C2CD5: variants seen among roughly 807,000 people sequenced by gnomAD.
C2CD5 encodes C2 calcium dependent domain containing 5.
A neutral mutation model predicts 130.3 loss-of-function variants in C2CD5; 109 were observed. That is an observed-to-expected ratio of 0.84 (90% CI 0.72 to 0.98). C2CD5 has a LOEUF of 0.98. C2CD5 is among the 50% of genes least tolerant of loss of function. The pLI is 0.00. For synonymous variants in C2CD5, 454 were observed against 429.2 expected (o/e 1.06, Z -0.71); for missense variants, 996 against 1,261.8 (o/e 0.79, Z 3.19).
Position 22,518,122 on chromosome 12 carries a change from T to G in C2CD5, c.816A>C (p.Glu272Asp). Residue 272 changes from glutamate to aspartate, a missense_variant, in exon 8 of 27, where the codon GAA (glutamate) becomes GAC (aspartate). Glu to Asp is a conservative substitution (Grantham distance 45, BLOSUM62 2). Coordinates refer to ENST00000446597, the MANE Select transcript of C2CD5 (RefSeq NM_001286176.2). ...SKEMKEIPFN[E>D]DPNPNTHSSG... Reference sequence around the variant, plus strand: ...ATGAGTGAGTATTGGGATTGGGATCTTCATTGAAGGGAATCCTGCCAGAAG... The same window carrying G: ...ATGAGTGAGTATTGGGATTGGGATCGTCATTGAAGGGAATCCTGCCAGAAG... The G allele has an allele frequency of 1.2e-6, 2 of 1,613,852 alleles. No individual in the cohort carries two copies. Among genetic ancestry groups the G allele is most frequent in the South Asian group, 2.2e-5 (2 of 91,066 alleles).
intron 10 of C2CD5, chr12:22,502,905 C>T (rs534860581): frequency 3.7e-5 from 24 of 653,348 alleles, no homozygotes; most frequent in African/African-American, 7.2e-5. Flanking sequence ...CAACACCACT[C>T]GACAGGAACT....
chr12:22,521,462 G>T (rs770713732), intron 7 of C2CD5, among the ~76,000 whole-genome samples: 5 of 152,126 alleles, frequency 3.3e-5, no homozygotes. Flanking sequence ...GAACCAACAG[G>T]TAATATAGCT....
chr12:22,459,951 G>C (rs1314524104), intron 22 of C2CD5, among the ~76,000 whole-genome samples: 1 of 152,198 alleles, frequency 6.6e-6, no homozygotes, highest in Non-Finnish European at 1.5e-5. Flanking sequence ...GAGTCTATAA[G>C]ATTACAAATT....
At chr12:22,459,632 G>A (rs928351144) in intron 22 of C2CD5, 90 bp from the exon 23 acceptor site, 3 of 729,518 alleles carry the variant, frequency 4.1e-6, no homozygotes, top group Non-Finnish European at 6.8e-6. Flanking sequence ...CTATAAGCCA[G>A]AAGAATAGGA....
chr12:22,525,808 T>C (rs945140351), intron 4 of C2CD5, 103 bp from the exon 5 acceptor site: 2 of 700,652 alleles, frequency 2.9e-6, no homozygotes, highest in African/African-American at 3.6e-5. Flanking sequence ...AATACAATGA[T>C]TTAACTCACA....
rs1338999999 is a variant in C2CD5, at chr12:22,544,433, G to A, written c.-143C>T. ...CGTCCCGGCCCCACAAGGCTGGGAC[G>A]AAAAGCAAAACCCAGTCAGCATCCC... is the stretch of plus-strand genomic sequence containing the variant. On this transcript the variant is annotated 5_prime_UTR_variant, in exon 1 of 27. Transcript: ENST00000446597. 2.0e-5 allele frequency: 6 copies of A among 303,984 alleles called. No homozygotes were observed. In the East Asian group the frequency reaches 3.4e-4, roughly 17 times the overall value. The allele number at this position is 303,984 out of a possible 1,614,324, so 18.8% of individuals were successfully genotyped here.
rs777316018 is a variant in C2CD5 at position 22,484,807 on chromosome 12, G to A, written c.1440C>T (p.Leu480=). 2 of 1,608,958 alleles carry A rather than the reference G, an allele frequency of 1.2e-6. No homozygotes were observed. The highest frequency in any genetic ancestry group is 1.1e-5 in the South Asian group (1 of 90,604). ...GTTTCCTGCAGTTATAGCAATATGT[G>A]AGATGAGCTGGAAATGGCATATTCA... The part of the protein sequence containing the change: ...DELNMPFPAH[L]TYCYNCRKQK... Residue 480 remains leucine (L), a synonymous_variant, in exon 13 of 27, where the codon CTC becomes CTT. Coordinates refer to ENST00000446597, the MANE Select transcript of C2CD5 (RefSeq NM_001286176.2).
At chr12:22,534,866 G>A (rs1160190401) in intron 3 of C2CD5, 1 of 155,966 alleles carries the variant, frequency 6.4e-6, no homozygotes, top group Non-Finnish European at 1.4e-5. Flanking sequence ...GCAAAACACT[G>A]TGAATGTAAT....
rs1041227866 is a variant in C2CD5, at chr12:22,449,639, A to G, written c.*121T>C. On this transcript the variant is annotated 3_prime_UTR_variant, in exon 27 of 27. Coordinates refer to ENST00000446597, the MANE Select transcript of C2CD5 (RefSeq NM_001286176.2). Reference sequence around the variant, plus strand: ...CCTCCAAAAGACTCCAGGCAAATCAAATCTACTCAATTCTTCCTTATTTAT... The same window carrying G: ...CCTCCAAAAGACTCCAGGCAAATCAGATCTACTCAATTCTTCCTTATTTAT... 2 of 901,744 alleles carry G rather than the reference A, an allele frequency of 2.2e-6. No homozygotes were observed. The highest frequency in any genetic ancestry group is 3.3e-6 in the Non-Finnish European group (2 of 602,050). The allele number at this position is 901,744 out of a possible 1,614,324, so 55.9% of individuals were successfully genotyped here.
At chr12:22,481,879 A>T (rs905340968) in intron 14 of C2CD5, among the ~76,000 whole-genome samples, 2 of 136,668 alleles carry the variant, frequency 1.5e-5, no homozygotes, top group African/African-American at 2.8e-5. Flanking sequence ...TGATCCTCCC[A>T]CCTCAGCTGC....
intron 22 of C2CD5, among the ~76,000 whole-genome samples, chr12:22,466,852 G>A (rs979619645): frequency 6.6e-6 from 1 of 152,182 alleles, no homozygotes; most frequent in African/African-American, 2.4e-5. Flanking sequence ...ACATATATTC[G>A]TATTAGATGT....
intron 7 of C2CD5, 86 bp from the exon 8 acceptor site, chr12:22,518,223 A>C (rs1949948039): frequency 2.3e-6 from 3 of 1,288,224 alleles, no homozygotes; most frequent in Admixed American, 1.7e-5. Context: ...CCAGGAAAGA[A>C]TTGGGGCAGG....
At chr12:22,502,701 T>C (rs866134519) in intron 10 of C2CD5, 3 of 1,172,698 alleles carry the variant, frequency 2.6e-6, no homozygotes, top group Middle Eastern at 3.9e-4. Flanking sequence ...GCCATAATTT[T>C]TGTCAGCATA....
rs1360435594 is a variant in C2CD5 at position 22,493,233 on chromosome 12, T to C, written c.1252A>G (p.Thr418Ala). The C allele has an allele frequency of 6.4e-7, 1 of 1,572,764 alleles. No individual in the cohort carries two copies. The highest frequency in any genetic ancestry group is 8.7e-7 in the Non-Finnish European group (1 of 1,147,780). Residue 418 changes from threonine (T) to alanine (A), a missense_variant, in exon 11 of 27, where the codon ACT becomes GCT. This residue lies in a region of C2CD5 where 590 missense variants were observed against 631.4 expected (regional missense o/e 0.93). Coordinates refer to ENST00000446597, the MANE Select transcript of C2CD5 (RefSeq NM_001286176.2). ...CHAVVGYSES[T>A]SICEEVCILS... ...GTTATTATCATTTACCAGATGCTAG[T>C]TGATTCACTGTAGCCCACTACAGCA...
At chr12:22,479,809 C>G (rs995524986) in intron 14 of C2CD5, among the ~76,000 whole-genome samples, 1 of 151,942 alleles carries the variant, frequency 6.6e-6, no homozygotes, top group Non-Finnish European at 1.5e-5. Flanking sequence ...TCCTTATGAG[C>G]ACTTATGTGT....
At chr12:22,514,338 C>G (rs1336546188) in intron 8 of C2CD5, among the ~76,000 whole-genome samples, 1 of 152,126 alleles carries the variant, frequency 6.6e-6, no homozygotes, top group African/African-American at 2.4e-5. Context: ...TAGTCCCATT[C>G]TGTTCCTAAA....
chr12:22,535,619 T>C (rs1343993795), intron 2 of C2CD5, among the ~76,000 whole-genome samples: 2 of 151,924 alleles, frequency 1.3e-5, no homozygotes, highest in South Asian at 2.1e-4. Context: ...TAGAGAGCAA[T>C]AAAAGATCAA....
At chr12:22,469,980 G>A (rs1005370652) in intron 21 of C2CD5, among the ~76,000 whole-genome samples, 185 bp from the exon 22 acceptor site, 7 of 152,028 alleles carry the variant, frequency 4.6e-5, no homozygotes, top group African/African-American at 1.7e-4. Context: ...TGAGACTGGT[G>A]CTATCTTCCC....
chr12:22,473,291 T>C (rs1006619752), intron 16 of C2CD5, among the ~76,000 whole-genome samples: 5 of 152,142 alleles, frequency 3.3e-5, no homozygotes, highest in African/African-American at 1.2e-4. Flanking sequence ...GAATAATAAA[T>C]AGGGAAACTA....
Sources: gnomAD v4.1 joint callset for allele counts (sites outside exome capture counted in the v4.1 genomes callset) on GRCh38, gnomAD v4.1.1 for gene constraint, gnomAD v4.1.1 regional missense constraint, MANE v1.5 for transcripts, NCBI Gene and HGNC (gene_info 2026-07-23, HGNC 2026-07-21) for gene names.